EPHA4: variants seen among roughly 807,000 people sequenced by gnomAD.
EPHA4 encodes the protein ephrin type-A receptor 4.
A neutral mutation model predicts 108.3 loss-of-function variants in EPHA4; 19 were observed. The ratio of observed to expected loss-of-function variants is 0.18; its 90% CI spans 0.12 to 0.26. The LOEUF is 0.26. Among genes scored for constraint, EPHA4 ranks in the 10% least tolerant of loss-of-function variants. The probability of loss-of-function intolerance (pLI) is 1.00; values close to 1 mark genes in which losing one functional copy is unlikely to be tolerated. For synonymous variants in EPHA4, 449 were observed against 455.5 expected (o/e 0.99, Z 0.18); for missense variants, 917 against 1,254.0 (o/e 0.73, Z 4.06).
At chr2:221,495,099 G>A (rs1324441123) in intron 4 of EPHA4, among the ~76,000 whole-genome samples, 2 of 151,468 alleles carry the variant, frequency 1.3e-5, no homozygotes, top group African/African-American at 4.9e-5. Flanking sequence ...ATAACTTGGT[G>A]AGGATTCTGG....
At chr2:221,499,749 TATATA>T (rs1363504176) in intron 4 of EPHA4, among the ~76,000 whole-genome samples, 869 of 49,692 alleles carry the variant, frequency 0.017, 16 homozygotes, top group East Asian at 0.048. Context: ...TATATATATA[TATATA>T]TATTTTTTTT....
chr2:221,564,576 GTTTTT>G (rs144228279), intron 2 of EPHA4, among the ~76,000 whole-genome samples, 182 bp from the exon 3 acceptor site: 1 of 149,370 alleles, frequency 6.7e-6, no homozygotes, highest in South Asian at 2.1e-4. Flanking sequence ...TATTGAGGAA[GTTTTT>G]TTTTTGTTTG....
intron 4 of EPHA4, among the ~76,000 whole-genome samples, chr2:221,499,746 ATATATATATATTTTTTTT>A (rs1351351568): frequency 4.3e-4 from 21 of 48,422 alleles, no homozygotes; most frequent in African/African-American, 2.1e-3. Context: ...ATATATATAT[ATATATATATATTTTTTTT>A]TTTTTTTTTT....
chr2:221,497,420 G>C (rs1433410040), intron 4 of EPHA4, among the ~76,000 whole-genome samples: 2 of 152,144 alleles, frequency 1.3e-5, no homozygotes, highest in African/African-American at 2.4e-5. Context: ...TGCATATAAA[G>C]TAAGTGGGAT....
chr2:221,465,933 C>G (rs1691297447), intron 5 of EPHA4, among the ~76,000 whole-genome samples: 1 of 152,190 alleles, frequency 6.6e-6, no homozygotes, highest in Non-Finnish European at 1.5e-5. Context: ...TGTAGAAGTA[C>G]TGTGGCCCAC....
chr2:221,489,367 G>A (rs56307057), intron 4 of EPHA4, among the ~76,000 whole-genome samples: 3,547 of 152,300 alleles, frequency 0.023, 130 homozygotes, highest in African/African-American at 0.08. Flanking sequence ...TGGAATTAAA[G>A]TGCCAACAGA....
At chr2:221,447,119 G>A (rs1690617032) in intron 8 of EPHA4, among the ~76,000 whole-genome samples, 2 of 152,092 alleles carry the variant, frequency 1.3e-5, no homozygotes, top group African/African-American at 4.8e-5. Context: ...TCACTTAAAG[G>A]AATCAGAAAG....
At chr2:221,511,010 C>T (rs1254365665) in intron 3 of EPHA4, among the ~76,000 whole-genome samples, 1 of 152,060 alleles carries the variant, frequency 6.6e-6, no homozygotes, top group Non-Finnish European at 1.5e-5. Context: ...GTTGATAATC[C>T]TGGGGTTCTC....
At chr2:221,544,456 G>C (rs879759923) in intron 3 of EPHA4, among the ~76,000 whole-genome samples, 1 of 152,102 alleles carries the variant, frequency 6.6e-6, no homozygotes, top group Non-Finnish European at 1.5e-5. Flanking sequence ...CTCCCAAGTA[G>C]CTGGGATTAC....
At chr2:221,499,259 T>C (rs1692399665) in intron 4 of EPHA4, among the ~76,000 whole-genome samples, 1 of 148,640 alleles carries the variant, frequency 6.7e-6, no homozygotes, top group Admixed American at 6.7e-5. Context: ...AATAATAATA[T>C]AAAATAGAAA....
intron 5 of EPHA4, among the ~76,000 whole-genome samples, chr2:221,464,324 A>G (rs1226754001): frequency 6.6e-6 from 1 of 152,196 alleles, no homozygotes; most frequent in Non-Finnish European, 1.5e-5. Context: ...TTCTTTCTCA[A>G]TTCAATACCC....
chr2:221,451,853 C>G (rs1690796038), intron 8 of EPHA4, among the ~76,000 whole-genome samples: 1 of 152,090 alleles, frequency 6.6e-6, no homozygotes, highest in South Asian at 2.1e-4. Flanking sequence ...CACCGCGATC[C>G]CTAAATGCTT....
Position 221,456,598 on chromosome 2 carries a change from G to A in EPHA4, c.1603+15C>T, listed in dbSNP as rs1265484377. 1 of 1,613,026 alleles carries A rather than the reference G, an allele frequency of 6.2e-7. No individual in the cohort carries two copies. Among genetic ancestry groups the A allele is most frequent in the Admixed American group, 1.7e-5 (1 of 59,994 alleles). ...ATAGCCTCAGAAGTGACTGAGTCTG[G>A]GTGGTCCTTGTTACCTGTGTTGGTT... On this transcript the variant is annotated intron_variant, in intron 7 of 17. Coordinates refer to ENST00000281821, the MANE Select transcript of EPHA4 (RefSeq NM_004438.5).
chr2:221,474,867 C>A lies in EPHA4; in HGVS notation c.1318+7485G>T, dbSNP rs546095459. Among the ~76,000 whole-genome samples the A allele has an allele frequency of 1.2e-4, 19 of 152,152 alleles. No homozygotes were observed. The South Asian group carries it at 3.7e-3, about 30-fold the overall frequency. ...GAGAAGATAAGGCACAGGAGCAGAG[C>A]ATAGAATTATTATTATTTTGAGATC... On this transcript the variant is annotated intron_variant, in intron 5 of 17. Coordinates refer to ENST00000281821, the MANE Select transcript of EPHA4 (RefSeq NM_004438.5).
chr2:221,482,475 A>C lies in EPHA4; in HGVS notation c.1195T>G (p.Ser399Ala). ...GTATGAGCTAGGAGGTCAGTGATGG[A>C]GACTTTGGTGGTCTTCAAGCCATTC... ...QQNGLKTTKV[S>A]ITDLLAHTNY... The change falls in exon 5 of 18, where the codon TCC becomes GCC. Residue 399 changes from serine to alanine, a missense_variant. Physicochemically the swap from Ser to Ala is moderately conservative, Grantham distance 99 (BLOSUM62 1). This residue lies in a region of EPHA4 where 758 missense variants were observed against 1,076.7 expected (regional missense o/e 0.70). Transcript: ENST00000281821. 2 of 1,614,068 alleles carry C rather than the reference A, an allele frequency of 1.2e-6. No individual in the cohort carries two copies.
At chr2:221,428,001 G>C (rs1329623160) in intron 15 of EPHA4, among the ~76,000 whole-genome samples, 1 of 152,030 alleles carries the variant, frequency 6.6e-6, no homozygotes, top group Non-Finnish European at 1.5e-5. Flanking sequence ...GTACAATTCT[G>C]TAAATGTTTA....
chr2:221,524,060 A>G (rs1011569646), intron 3 of EPHA4, among the ~76,000 whole-genome samples: 5 of 152,344 alleles, frequency 3.3e-5, no homozygotes, highest in South Asian at 4.1e-4. Context: ...GAAAAAAATG[A>G]CATATATTCC....
chr2:221,551,836 GT>G (rs918490087), intron 3 of EPHA4, among the ~76,000 whole-genome samples: 2 of 151,068 alleles, frequency 1.3e-5, no homozygotes, highest in East Asian at 1.9e-4. Context: ...ATCAACATGA[GT>G]TTTTTTTTCT....
intron 3 of EPHA4, among the ~76,000 whole-genome samples, chr2:221,543,604 G>C (rs73997116): frequency 0.022 from 3,421 of 152,138 alleles, 107 homozygotes; most frequent in African/African-American, 0.07. Flanking sequence ...ACTAAGAAAG[G>C]CTTTCTATGC....
Sources: allele counts gnomAD v4.1 joint callset (sites outside exome capture counted in the v4.1 genomes callset), GRCh38; gene constraint gnomAD v4.1.1; regional missense constraint gnomAD v4.1.1; transcripts MANE v1.5; gene names NCBI Gene and HGNC (gene_info 2026-07-23, HGNC 2026-07-21).